Variants in TRPC4 observed in about 807,000 individuals in gnomAD.
TRPC4 encodes transient receptor potential cation channel subfamily C member 4, also known as short transient receptor potential channel 4.
TRPC4 carries 49 observed loss-of-function variants against 99.4 expected under a neutral mutation model. The ratio of observed to expected loss-of-function variants is 0.49; its 90% CI spans 0.39 to 0.63. TRPC4 has a LOEUF of 0.63. Among genes scored for constraint, TRPC4 ranks in the 20% least tolerant of loss-of-function variants. The pLI is 0.00. For missense variants in TRPC4, 898 were observed against 1,152.9 expected, an observed-to-expected ratio of 0.78 and a Z score of 3.20; for synonymous variants, 454 against 425.9, an observed-to-expected ratio of 1.07 and a Z score of -0.81.
At chr13:37,745,474 A>ATGCATATATATATATATATG (rs1566138420) in intron 3 of TRPC4, among the ~76,000 whole-genome samples, 1 of 2,122 alleles carries the variant, frequency 4.7e-4, no homozygotes, top group Non-Finnish European at 1.8e-3. Context: ...ATATATATAT[A>ATGCATATATATATATATATG]CACACACACA....
At chr13:37,790,623 T>C (rs952588742) in intron 1 of TRPC4, among the ~76,000 whole-genome samples, 3 of 152,162 alleles carry the variant, frequency 2.0e-5, no homozygotes, top group Non-Finnish European at 4.4e-5. Context: ...CAGAAGTCTC[T>C]TTTTGCTAAA....
At chr13:37,728,576 A>G (rs1410601036) in intron 3 of TRPC4, among the ~76,000 whole-genome samples, 1 of 152,086 alleles carries the variant, frequency 6.6e-6, no homozygotes, top group Non-Finnish European at 1.5e-5. Context: ...ATGGATTGGA[A>G]GACTTAATAG....
chr13:37,688,433 T>C (rs1045994737), intron 4 of TRPC4, among the ~76,000 whole-genome samples: 5 of 152,008 alleles, frequency 3.3e-5, no homozygotes, highest in African/African-American at 1.2e-4. Context: ...ATATATAAAA[T>C]AATGGAAATT....
intron 2 of TRPC4, among the ~76,000 whole-genome samples, chr13:37,762,745 A>G (rs1332314283): frequency 6.9e-6 from 1 of 145,378 alleles, no homozygotes; most frequent in African/African-American, 2.5e-5. Context: ...GAGGGATAGC[A>G]TTAGGAGATA....
intron 1 of TRPC4, among the ~76,000 whole-genome samples, chr13:37,800,648 A>G (rs759477583): frequency 8.2e-4 from 125 of 152,214 alleles, no homozygotes; most frequent in South Asian, 1.5e-3. Flanking sequence ...AGATAGCTGT[A>G]TGAGCTACTA....
At chr13:37,650,178 G>A (rs534156823) in intron 8 of TRPC4, among the ~76,000 whole-genome samples, 3 of 152,238 alleles carry the variant, frequency 2.0e-5, no homozygotes, top group African/African-American at 2.4e-5. Context: ...TTAGGGCATC[G>A]CAGTCACAAA....
intron 1 of TRPC4, among the ~76,000 whole-genome samples, chr13:37,826,257 C>A (rs1312835610): frequency 1.1e-5 from 1 of 87,390 alleles, no homozygotes; most frequent in Admixed American, 1.4e-4. Context: ...TTAATTGGAG[C>A]ATTTAGTCCA....
chr13:37,691,740 G>A (rs979832796), intron 4 of TRPC4, among the ~76,000 whole-genome samples: 2 of 152,084 alleles, frequency 1.3e-5, no homozygotes, highest in Non-Finnish European at 2.9e-5. Flanking sequence ...AAACTCAGAG[G>A]GTCAGTCGTG....
chr13:37,782,732 C>G (rs1956871279), intron 2 of TRPC4, among the ~76,000 whole-genome samples: 2 of 151,912 alleles, frequency 1.3e-5, no homozygotes, highest in Admixed American at 1.3e-4. Flanking sequence ...TTCACAATTA[C>G]TTATGATTTT....
At chr13:37,683,683 A>G (rs1953342136) in intron 4 of TRPC4, among the ~76,000 whole-genome samples, 1 of 152,158 alleles carries the variant, frequency 6.6e-6, no homozygotes, top group Non-Finnish European at 1.5e-5. Flanking sequence ...GGTGCCAGGT[A>G]AGTCAGGACA....
chr13:37,838,091 G>T (rs566558750), intron 1 of TRPC4, among the ~76,000 whole-genome samples: 3 of 152,138 alleles, frequency 2.0e-5, no homozygotes, highest in African/African-American at 7.2e-5. Context: ...ACATGGAACC[G>T]TAAGTCCATT....
chr13:37,737,081 T>G (rs981820511), intron 3 of TRPC4, among the ~76,000 whole-genome samples: 3 of 151,892 alleles, frequency 2.0e-5, no homozygotes, highest in African/African-American at 7.3e-5. Context: ...AAGAAACAGA[T>G]GAGTGTTTAT....
intron 3 of TRPC4, among the ~76,000 whole-genome samples, chr13:37,694,542 CTG>C (rs1371481004): frequency 6.6e-6 from 1 of 152,094 alleles, no homozygotes; most frequent in Non-Finnish European, 1.5e-5. Context: ...CATATATACT[CTG>C]TAAAATTACC....
chr13:37,723,962 T>G (rs573036638), intron 3 of TRPC4, among the ~76,000 whole-genome samples: 2 of 152,292 alleles, frequency 1.3e-5, no homozygotes, highest in East Asian at 3.9e-4. Context: ...CAAACTGGCT[T>G]ATAAATGCAA....
chr13:37,691,944 G>A (rs2138877990), intron 4 of TRPC4, 55 bp downstream of exon 4: 5 of 1,509,942 alleles, frequency 3.3e-6, no homozygotes, highest in South Asian at 2.5e-5. Context: ...TCTGAGCAAC[G>A]AAATTCCGTG....
chr13:37,867,528 G>T (rs1013929249), intron 1 of TRPC4, among the ~76,000 whole-genome samples: 1 of 151,966 alleles, frequency 6.6e-6, no homozygotes, highest in Non-Finnish European at 1.5e-5. Flanking sequence ...AAATGTAATT[G>T]TCTTTATCAC....
intron 5 of TRPC4, among the ~76,000 whole-genome samples, chr13:37,666,871 G>A (rs1467465854): frequency 6.6e-6 from 1 of 151,848 alleles, no homozygotes; most frequent in Non-Finnish European, 1.5e-5. Flanking sequence ...ATTCTCCCTG[G>A]GTGTTTTCCA....
At chr13:37,766,541 G>C (rs1956372997) in intron 2 of TRPC4, among the ~76,000 whole-genome samples, 1 of 151,374 alleles carries the variant, frequency 6.6e-6, no homozygotes, top group Non-Finnish European at 1.5e-5. Flanking sequence ...ATATATCCTG[G>C]TGAAAAAATG....
chr13:37,706,345 A>C (rs923103246), intron 3 of TRPC4, among the ~76,000 whole-genome samples: 2 of 152,122 alleles, frequency 1.3e-5, no homozygotes, highest in African/African-American at 4.8e-5. Flanking sequence ...TTACACATAT[A>C]ATTAGCTTCC....
Sources: allele counts gnomAD v4.1 joint callset (sites outside exome capture counted in the v4.1 genomes callset), GRCh38; gene constraint gnomAD v4.1.1; transcripts MANE v1.5; gene names NCBI Gene and HGNC (gene_info 2026-07-23, HGNC 2026-07-21).